The following CCL26 variants were observed in gnomAD, a reference collection of about 807,000 sequenced individuals.
CCL26 encodes the protein C-C motif chemokine 26.
Under a neutral mutation model 10.7 loss-of-function variants are expected in CCL26, and 10 were observed. The observed-to-expected ratio is 0.93, with a 90% CI of 0.57 to 1.58. The LOEUF (loss-of-function observed/expected upper bound fraction) is 1.58, where lower values mean the gene tolerates loss of function less well. CCL26 is among the 40% of genes most tolerant of loss of function. The pLI is 0.00. For synonymous variants in CCL26, 43 were observed against 41.4 expected (o/e 1.04, Z -0.15); for missense variants, 116 against 111.0 (o/e 1.05, Z -0.20).
At chr7:75,778,280 G>GGCAC (rs1802984895) in intron 1 of CCL26, among the ~76,000 whole-genome samples, 1 of 152,066 alleles carries the variant, frequency 6.6e-6, no homozygotes, top group Non-Finnish European at 1.5e-5. Flanking sequence ...GGAGGGCAGT[G>GGCAC]GCACGATCAT....
chr7:75,777,624 C>T (rs561792807), intron 1 of CCL26, among the ~76,000 whole-genome samples: 107 of 149,930 alleles, frequency 7.1e-4, no homozygotes, highest in African/African-American at 2.4e-3. Context: ...TGGTACATGC[C>T]TTTGGTCCCA....
chr7:75,791,188 G>A (rs1189075940), upstream of CCL26, among the ~76,000 whole-genome samples: 2 of 151,600 alleles, frequency 1.3e-5, no homozygotes, highest in Non-Finnish European at 2.9e-5. Flanking sequence ...CACCACACCT[G>A]GCTAATTTTT....
chr7:75,783,514 T>C (rs1367537871), intron 1 of CCL26, among the ~76,000 whole-genome samples: 1 of 152,084 alleles, frequency 6.6e-6, no homozygotes, highest in African/African-American at 2.4e-5. Flanking sequence ...TTAAAGAAAC[T>C]ACCAGCCAGG....
At chr7:75,783,227 T>C (rs182842609) in intron 1 of CCL26, among the ~76,000 whole-genome samples, 1 of 152,292 alleles carries the variant, frequency 6.6e-6, no homozygotes, top group Admixed American at 6.5e-5. Flanking sequence ...TCTAACTCTG[T>C]CCTACAATTT....
chr7:75,788,030 C>T (rs116914973), intron 1 of CCL26, among the ~76,000 whole-genome samples: 1,932 of 152,188 alleles, frequency 0.013, 25 homozygotes, highest in Non-Finnish European at 0.02. Context: ...TCCCATGCCG[C>T]CCCTAATCCT....
At chr7:75,789,131 G>T (rs1174461002) in intron 1 of CCL26, among the ~76,000 whole-genome samples, 75 of 143,196 alleles carry the variant, frequency 5.2e-4, no homozygotes, top group African/African-American at 1.8e-3. Context: ...TGTGGCGGGC[G>T]GGGGGGTCTC....
chr7:75,773,203 A>AATAT (rs555629442), upstream of CCL26, among the ~76,000 whole-genome samples: 5 of 151,580 alleles, frequency 3.3e-5, no homozygotes. Context: ...AACAACAAAT[A>AATAT]ATATATATAT....
At chr7:75,786,391 C>T (rs781859686) in intron 1 of CCL26, among the ~76,000 whole-genome samples, 1 of 152,176 alleles carries the variant, frequency 6.6e-6, no homozygotes, top group Non-Finnish European at 1.5e-5. Context: ...CCCTCCACTA[C>T]CTCTCAGCAA....
chr7:75,791,350 G>A (rs1037366358), upstream of CCL26, among the ~76,000 whole-genome samples: 9 of 152,042 alleles, frequency 5.9e-5, no homozygotes, highest in African/African-American at 1.7e-4. Context: ...ACTTGTGTCC[G>A]AGGCCCCCTC....
Position 75,769,639 on chromosome 7 carries a change from GGCT to G in CCL26, c.*51_*53del. On this transcript the variant is annotated 3_prime_UTR_variant, in exon 3 of 3. Coordinates refer to ENST00000005180, the MANE Select transcript of CCL26 (RefSeq NM_001371938.1). ...AAAAGATTCCGCAGGCTCCCCAGAG[GGCT>G]GCAGAGCCAAGAGCGGGGTCCAAGC... 8.5e-7 allele frequency: 1 copy of G among 1,177,796 alleles called. No individual in the cohort carries two copies. The highest frequency in any genetic ancestry group is 2.3e-5 in the East Asian group (1 of 42,804). 73.0% of individuals were successfully genotyped at this position (1,177,796 alleles called of 1,614,324 possible). A position where few individuals can be genotyped will look rare whatever the true frequency, so the allele number is the denominator to read the frequency against.
At chr7:75,781,511 A>G (rs1328105019) in intron 1 of CCL26, among the ~76,000 whole-genome samples, 4 of 152,184 alleles carry the variant, frequency 2.6e-5, no homozygotes, top group African/African-American at 4.8e-5. Context: ...TGGGACCCCA[A>G]TGAAAATAGG....
At chr7:75,783,714 T>G (rs1328830049) in intron 1 of CCL26, among the ~76,000 whole-genome samples, 27 of 147,990 alleles carry the variant, frequency 1.8e-4, no homozygotes, top group African/African-American at 6.3e-4. Context: ...GTGAACCCGG[T>G]AGGTGGAGCT....
chr7:75,785,285 C>T (rs376811619), intron 1 of CCL26, among the ~76,000 whole-genome samples: 9 of 152,132 alleles, frequency 5.9e-5, no homozygotes, highest in African/African-American at 1.7e-4. Context: ...GCTGTGCTAC[C>T]GCAAGGCTTC....
rs188204308 is a variant in CCL26, at chr7:75,780,921, C to T, written c.-78-8667G>A. ...ACAGTTTCGTTCCATGACTAGCCCT[C>T]CCCCACCTGCCCAGCAATTTCCTCT... On this transcript the variant is annotated intron_variant, in intron 1 of 3. Coordinates refer to the CCL26 transcript ENST00000394905. Among the ~76,000 whole-genome samples, 1,135 of 152,272 alleles carry T rather than the reference C, an allele frequency of 7.5e-3. 8 individuals are homozygous for T. The highest frequency in any genetic ancestry group is 0.02 in the Middle Eastern group (6 of 294).
intron 1 of CCL26, among the ~76,000 whole-genome samples, chr7:75,785,195 C>T (rs1554529850): frequency 6.6e-6 from 1 of 152,078 alleles, no homozygotes; most frequent in East Asian, 1.9e-4. Context: ...TTCACTCTTC[C>T]CCTGCACCCC....
chr7:75,790,171 C>CT (rs1554530603), upstream of CCL26, among the ~76,000 whole-genome samples: 13 of 60,316 alleles, frequency 2.2e-4, no homozygotes, highest in Admixed American at 6.3e-4. Context: ...TCCTTCCTTC[C>CT]TTCCTTCCTT....
In CCL26 at chr7:75,777,721, G is replaced by GAAAAAA. The variant is rs60039632; in HGVS notation, c.-78-5473_-78-5468dup. On this transcript the variant is annotated intron_variant, in intron 1 of 3. Transcript: ENST00000394905. ...CCCAACAGAGTGAGATCCTGTCTCA[G>GAAAAAA]AAAAAAAAAAAAAAAAAAAAAGCAG... Among the ~76,000 whole-genome samples the GAAAAAA allele has an allele frequency of 4.0e-4, 24 of 60,552 alleles. 6 individuals carry two copies. Among genetic ancestry groups the GAAAAAA allele is most frequent in the African/African-American group, 7.1e-4 (10 of 14,160 alleles). 39.7% of individuals were successfully genotyped at this position (60,552 alleles called of 152,430 possible). A position where few individuals can be genotyped will look rare whatever the true frequency, so the allele number is the denominator to read the frequency against.
At chr7:75,785,143 T>A (rs1803156118) in intron 1 of CCL26, among the ~76,000 whole-genome samples, 1 of 152,116 alleles carries the variant, frequency 6.6e-6, no homozygotes, top group African/African-American at 2.4e-5. Flanking sequence ...AATACCTTCC[T>A]CCACAACTCA....
At chr7:75,773,284 C>T (rs1485337380), upstream of CCL26, among the ~76,000 whole-genome samples, 1 of 152,022 alleles carries the variant, frequency 6.6e-6, no homozygotes, top group Non-Finnish European at 1.5e-5. Flanking sequence ...ATTAGCCAGG[C>T]ACGGTGGCGG....
Sources: allele counts gnomAD v4.1 joint callset (sites outside exome capture counted in the v4.1 genomes callset), GRCh38; gene constraint gnomAD v4.1.1; transcripts MANE v1.5; gene names NCBI Gene and HGNC (gene_info 2026-07-23, HGNC 2026-07-21).